Variants in SGCZ observed in about 807,000 individuals in gnomAD.
SGCZ encodes the protein zeta-sarcoglycan.
In SGCZ, 40 loss-of-function variants were observed where a neutral mutation model predicts 41.3. That is an observed-to-expected ratio of 0.97 (90% CI 0.75 to 1.26). The LOEUF (loss-of-function observed/expected upper bound fraction) is 1.26. Ranked by LOEUF, SGCZ falls within the 50% of genes most tolerant of loss-of-function variation. SGCZ has a pLI of 0.00. For missense variants in SGCZ, 552 were observed against 369.8 expected, an observed-to-expected ratio of 1.49 and a Z score of -4.04; for synonymous variants, 206 against 137.5, an observed-to-expected ratio of 1.50 and a Z score of -3.49.
At chr8:14,515,431 C>A (rs982921511) in intron 2 of SGCZ, among the ~76,000 whole-genome samples, 6 of 152,076 alleles carry the variant, frequency 3.9e-5, no homozygotes, top group Admixed American at 6.6e-5. Flanking sequence ...AGACAACATA[C>A]GCATCAATAT....
At chr8:14,551,431 C>T (rs2117178039) in intron 2 of SGCZ, among the ~76,000 whole-genome samples, 1 of 73,844 alleles carries the variant, frequency 1.4e-5, no homozygotes, top group East Asian at 3.6e-4. Flanking sequence ...TCAAATTTTC[C>T]TCTTCAACTA....
Position 15,035,457 on chromosome 8 carries a change from C to T in SGCZ, c.39+202128G>A, listed in dbSNP as rs76551680. On this transcript the variant is annotated intron_variant, in intron 1 of 7. Coordinates refer to ENST00000382080, the MANE Select transcript of SGCZ (RefSeq NM_139167.4). ...AAGGAACAAAGGATCTGCAAGACAA[C>T]CAGAATACAATTAACAAAATATCAG... 3.8e-3 allele frequency among the ~76,000 whole-genome samples: 572 copies of T among 152,146 alleles called. 6 individuals carry two copies. The highest frequency in any genetic ancestry group is 0.013 in the African/African-American group (533 of 41,522).
At chr8:14,467,481 A>G (rs1350265105) in intron 2 of SGCZ, among the ~76,000 whole-genome samples, 2 of 151,978 alleles carry the variant, frequency 1.3e-5, no homozygotes, top group Non-Finnish European at 2.9e-5. Flanking sequence ...GTTCCCTAAA[A>G]CTGTGTGCAA....
intron 1 of SGCZ, among the ~76,000 whole-genome samples, chr8:15,116,640 T>C (rs1336614330): frequency 2.0e-5 from 3 of 152,190 alleles, no homozygotes; most frequent in Non-Finnish European, 2.9e-5. Context: ...AAGTGAAATA[T>C]GTATAATAAA....
intron 2 of SGCZ, among the ~76,000 whole-genome samples, chr8:14,453,860 T>C (rs1800667228): frequency 6.6e-6 from 1 of 152,204 alleles, no homozygotes; most frequent in South Asian, 2.1e-4. Context: ...ACACAGAGCT[T>C]TAAATACAGA....
intron 1 of SGCZ, among the ~76,000 whole-genome samples, chr8:15,149,963 T>G (rs980766032): frequency 1.3e-5 from 2 of 152,160 alleles, no homozygotes; most frequent in African/African-American, 2.4e-5. Flanking sequence ...TCATTACAAA[T>G]AATTGTATTT....
intron 1 of SGCZ, among the ~76,000 whole-genome samples, chr8:14,795,491 G>A (rs1043059771): frequency 1.3e-5 from 2 of 151,846 alleles, no homozygotes; most frequent in Admixed American, 6.6e-5. Flanking sequence ...CACCCATGCT[G>A]GAGTACAGTG....
chr8:14,193,894 T>C (rs35736129), intron 4 of SGCZ, among the ~76,000 whole-genome samples: 36,225 of 151,706 alleles, frequency 0.24, 5,551 homozygotes, highest in Non-Finnish European at 0.34. Flanking sequence ...TTTTGATTAA[T>C]ATATAATATT....
rs1554478141 is a variant in SGCZ, at chr8:14,674,928, G to GCTTTTTTTTTTTTTTTTTTTTT, written c.40-120003_40-120002insAAAAAAAAAAAAAAAAAAAAAG. 1.9e-3 allele frequency among the ~76,000 whole-genome samples: 138 copies of GCTTTTTTTTTTTTTTTTTTTTT among 71,008 alleles called. 36 individuals carry two copies. The highest frequency in any genetic ancestry group is 0.017 in the Middle Eastern group (2 of 116). The allele number at this position is 71,008 out of a possible 152,430, so 46.6% of individuals were successfully genotyped here. A position where few individuals can be genotyped will look rare whatever the true frequency, so the allele number is the denominator to read the frequency against. On this transcript the variant is annotated intron_variant, in intron 1 of 7. Coordinates refer to ENST00000382080, the MANE Select transcript of SGCZ (RefSeq NM_139167.4). Reference sequence around the variant, plus strand: ...GCCAATTTAACCTCTTTTCTTTTCTGTTTTTTTTTTTTTTTTTTTTTTTTT... The same window carrying GCTTTTTTTTTTTTTTTTTTTTT: ...GCCAATTTAACCTCTTTTCTTTTCTGCTTTTTTTTTTTTTTTTTTTTTTTTTTTTTTTTTTTTTTTTTTTTTT...
chr8:14,412,407 C>T (rs934978725), intron 2 of SGCZ, among the ~76,000 whole-genome samples: 1 of 152,070 alleles, frequency 6.6e-6, no homozygotes, highest in African/African-American at 2.4e-5. Context: ...GGTATGCGTA[C>T]ATTTGAATGT....
intron 1 of SGCZ, among the ~76,000 whole-genome samples, chr8:15,088,966 G>T (rs1420930350): frequency 1.3e-5 from 2 of 152,078 alleles, no homozygotes; most frequent in African/African-American, 2.4e-5. Flanking sequence ...AGTCATAGGT[G>T]CTCCTAATGT....
chr8:14,448,310 A>C (rs1003380556), intron 2 of SGCZ, among the ~76,000 whole-genome samples: 1 of 152,236 alleles, frequency 6.6e-6, no homozygotes, highest in African/African-American at 2.4e-5. Context: ...TGCATGGCAG[A>C]AACTTTTCTG....
intron 1 of SGCZ, among the ~76,000 whole-genome samples, chr8:14,865,681 A>G (rs1284261276): frequency 6.6e-6 from 1 of 152,126 alleles, no homozygotes; most frequent in Non-Finnish European, 1.5e-5. Context: ...CTGCATAAAG[A>G]CAATACTTAA....
intron 1 of SGCZ, among the ~76,000 whole-genome samples, chr8:14,877,225 G>C (rs1804397690): frequency 6.6e-6 from 1 of 152,120 alleles, no homozygotes; most frequent in African/African-American, 2.4e-5. Context: ...GCCAGCCTTA[G>C]CCTCTCAAAG....
chr8:14,586,870 C>T lies in SGCZ; in HGVS notation c.40-31944G>A, dbSNP rs914117145. 1.8e-4 allele frequency among the ~76,000 whole-genome samples: 27 copies of T among 151,982 alleles called. 2 individuals carry two copies. Among genetic ancestry groups the T allele is most frequent in the Admixed American group, 7.2e-4 (11 of 15,242 alleles). ...CTACTGACATAGAATATAATTAAAA[C>T]GAGGAAATTTTGACAGATTAATAAA... is the stretch of plus-strand genomic sequence containing the variant. On this transcript the variant is annotated intron_variant, in intron 1 of 7. Coordinates refer to ENST00000382080, the MANE Select transcript of SGCZ (RefSeq NM_139167.4).
At chr8:14,381,106 C>G (rs918014489) in intron 2 of SGCZ, among the ~76,000 whole-genome samples, 1 of 151,434 alleles carries the variant, frequency 6.6e-6, no homozygotes. Flanking sequence ...AAAAAAATAC[C>G]TTTGTAAAAT....
At chr8:14,480,412 C>T (rs1217140830) in intron 2 of SGCZ, among the ~76,000 whole-genome samples, 2 of 152,212 alleles carry the variant, frequency 1.3e-5, no homozygotes, top group Non-Finnish European at 2.9e-5. Context: ...TTTGCCAAAT[C>T]CACCTTATCT....
intron 1 of SGCZ, among the ~76,000 whole-genome samples, chr8:15,215,741 C>G (rs937260492): frequency 1.3e-5 from 2 of 152,148 alleles, no homozygotes; most frequent in East Asian, 1.9e-4. Flanking sequence ...TTAAAGAGCT[C>G]TGGAATAGTA....
chr8:14,747,527 G>C (rs1394579273), intron 1 of SGCZ, among the ~76,000 whole-genome samples: 6 of 151,934 alleles, frequency 3.9e-5, no homozygotes, highest in African/African-American at 7.3e-5. Flanking sequence ...AAAAAGTTTT[G>C]TGATTATCAA....
Sources: allele counts gnomAD v4.1 joint callset (sites outside exome capture counted in the v4.1 genomes callset), GRCh38; gene constraint gnomAD v4.1.1; transcripts MANE v1.5; gene names NCBI Gene and HGNC (gene_info 2026-07-23, HGNC 2026-07-21).